Variants in SPAG1 observed in about 807,000 individuals in gnomAD.
SPAG1 encodes the protein sperm associated antigen 1.
A neutral mutation model predicts 100.5 loss-of-function variants in SPAG1; 69 were observed. The ratio of observed to expected loss-of-function variants is 0.69; its 90% CI spans 0.57 to 0.84. The LOEUF (loss-of-function observed/expected upper bound fraction) is 0.84, where lower values mean the gene tolerates loss of function less well. Ranked by LOEUF, SPAG1 falls within the 40% of genes least tolerant of loss-of-function variation. SPAG1 has a pLI of 0.00. For missense variants in SPAG1, 955 were observed against 1,133.1 expected, an observed-to-expected ratio of 0.84 and a Z score of 2.26; for synonymous variants, 336 against 411.6, an observed-to-expected ratio of 0.82 and a Z score of 2.22.
rs1819256862 is a variant in SPAG1, at chr8:100,241,163, T to A, written c.*141T>A. The A allele has an allele frequency of 1.5e-6, 1 of 652,590 alleles. No individual in the cohort carries two copies. The highest frequency in any genetic ancestry group is 2.5e-6 in the Non-Finnish European group (1 of 407,938). 40.4% of individuals were successfully genotyped at this position (652,590 alleles called of 1,614,324 possible). ...CTATAAAACATTTTACTTATTTTCC[T>A]ACATAGAACATGTATATTCTACAAT... On this transcript the variant is annotated 3_prime_UTR_variant, in exon 19 of 19. Coordinates refer to ENST00000388798, the MANE Select transcript of SPAG1 (RefSeq NM_003114.5). The surrounding 1 kb of genome is among the most constrained non-coding windows in gnomAD (Gnocchi z 5.1).
chr8:100,213,645 C>T (rs1448293440), intron 11 of SPAG1, among the ~76,000 whole-genome samples, 174 bp from the exon 12 acceptor site: 1 of 152,222 alleles, frequency 6.6e-6, no homozygotes, highest in Non-Finnish European at 1.5e-5. Flanking sequence ...TGCCTCCGTC[C>T]CCGCCGGGTT....
chr8:100,227,173 G>T (rs1010371448), intron 14 of SPAG1, among the ~76,000 whole-genome samples: 4 of 152,260 alleles, frequency 2.6e-5, no homozygotes, highest in Admixed American at 6.5e-5. Context: ...GTTGAGTGAT[G>T]CATGGCTGTG....
intron 1 of SPAG1, among the ~76,000 whole-genome samples, chr8:100,161,353 A>T (rs1051025106): frequency 7.9e-5 from 12 of 152,056 alleles, no homozygotes; most frequent in African/African-American, 2.9e-4. Flanking sequence ...AACAAAAACA[A>T]ACAAAACACT....
chr8:100,184,956 C>T (rs1030713853), intron 7 of SPAG1, among the ~76,000 whole-genome samples: 8 of 152,186 alleles, frequency 5.3e-5, no homozygotes, highest in Admixed American at 2.6e-4. Flanking sequence ...ACTTAACTTC[C>T]TATCTTGCAG....
At chr8:100,214,994 T>C (rs1408419715) in intron 12 of SPAG1, among the ~76,000 whole-genome samples, 1 of 350 alleles carries the variant, frequency 2.9e-3, no homozygotes, top group Non-Finnish European at 6.3e-3. Context: ...TACTCATATA[T>C]ATATATATAT....
At chr8:100,236,774 G>A (rs1819024881) in intron 16 of SPAG1, among the ~76,000 whole-genome samples, 1 of 152,136 alleles carries the variant, frequency 6.6e-6, no homozygotes, top group African/African-American at 2.4e-5. Context: ...GGTGTTAGGA[G>A]TATAGAGGTG....
chr8:100,189,075 T>C (rs575309444), intron 8 of SPAG1, among the ~76,000 whole-genome samples: 20 of 152,012 alleles, frequency 1.3e-4, no homozygotes, highest in African/African-American at 4.8e-4. Context: ...TTCATGTCTG[T>C]AATCCCAGCA....
intron 3 of SPAG1, among the ~76,000 whole-genome samples, chr8:100,174,321 T>A (rs1434048987): frequency 2.6e-5 from 4 of 152,176 alleles, no homozygotes; most frequent in Admixed American, 2.6e-4. Flanking sequence ...GAATATATAT[T>A]TACAATGTAT....
At chr8:100,231,980 TG>T (rs1818792542) in intron 15 of SPAG1, among the ~76,000 whole-genome samples, 1 of 141,362 alleles carries the variant, frequency 7.1e-6, no homozygotes, top group Non-Finnish European at 1.5e-5. Flanking sequence ...AAAAAAATAC[TG>T]TCTTAGGGAG....
At chr8:100,235,799 C>A (rs1489247150) in intron 16 of SPAG1, among the ~76,000 whole-genome samples, 1 of 152,086 alleles carries the variant, frequency 6.6e-6, no homozygotes, top group East Asian at 1.9e-4. Context: ...GCTGAGGGAG[C>A]CACACAGTGT....
chr8:100,228,468 T>C (rs967236393), intron 14 of SPAG1, among the ~76,000 whole-genome samples: 4 of 150,792 alleles, frequency 2.7e-5, no homozygotes, highest in African/African-American at 9.7e-5. Flanking sequence ...ATCCCAGCAC[T>C]TTTGGAGGCT....
rs769364232 is a variant in SPAG1, at chr8:100,165,831, A to G, written c.158A>G (p.Tyr53Cys). The change falls in exon 3 of 19, where the codon TAT becomes TGT. Residue 53 changes from tyrosine to cysteine, a missense_variant. By Grantham distance (194) the Tyr-to-Cys change is radical (BLOSUM62 -2). Transcript: ENST00000388798. Reference protein sequence around the residue: ...LCVLRSGEEGYYPELTEFCEK... With the variant: ...LCVLRSGEEGCYPELTEFCEK... ...TTTTTAAGATCTGGTGAGGAAGGAT[A>G]TTATCCTGAACTTACAGAATTTTGT... 8 of 1,613,142 alleles carry G rather than the reference A, an allele frequency of 5.0e-6. No homozygotes were observed. The highest frequency in any genetic ancestry group is 8.5e-7 in the Non-Finnish European group (1 of 1,179,638).
rs550519404 is a variant in SPAG1, at chr8:100,228,032, C to T, written c.1855+2693C>T. Among the ~76,000 whole-genome samples the T allele has an allele frequency of 9.2e-5, 14 of 151,780 alleles. No homozygotes were observed. In the South Asian group the frequency reaches 2.9e-3, roughly 32 times the overall value. ...GCTAATTTTGTATTTTTTATAGAGA[C>T]AGGATCTCATTATGTTGCCCAGGCT... On this transcript the variant is annotated intron_variant, in intron 14 of 18. Coordinates refer to ENST00000388798, the MANE Select transcript of SPAG1 (RefSeq NM_003114.5).
chr8:100,213,675 G>C, intron 11 of SPAG1, 144 bp from the exon 12 acceptor site: 1 of 582,830 alleles, frequency 1.7e-6, no homozygotes, highest in Non-Finnish European at 2.9e-6. Context: ...TGGCTGTTGC[G>C]GGTAGCAGCT....
chr8:100,192,962 C>T (rs1013332403), intron 9 of SPAG1, among the ~76,000 whole-genome samples: 3 of 151,978 alleles, frequency 2.0e-5, no homozygotes. Flanking sequence ...CAAAGATTAA[C>T]TCAAAATGGA....
intron 4 of SPAG1, among the ~76,000 whole-genome samples, chr8:100,178,334 A>C (rs1816220813): frequency 6.6e-6 from 1 of 151,974 alleles, no homozygotes; most frequent in African/African-American, 2.4e-5. Context: ...TACATAATTT[A>C]ATTATGGATT....
intron 12 of SPAG1, among the ~76,000 whole-genome samples, chr8:100,214,485 A>G (rs1440573): frequency 0.63 from 95,149 of 151,888 alleles, 30,160 homozygotes; most frequent in African/African-American, 0.72. Context: ...TACCTTCTTG[A>G]GTGCCCTAGA....
chr8:100,165,243 T>C, intron 2 of SPAG1: 7 of 522,382 alleles, frequency 1.3e-5, no homozygotes, highest in South Asian at 1.0e-4. Context: ...ATCACGACTC[T>C]AGGAATAATT....
At chr8:100,194,389 A>T in intron 10 of SPAG1, 121 bp downstream of exon 10, 1 of 1,377,724 alleles carries the variant, frequency 7.3e-7, no homozygotes, top group Non-Finnish European at 1.0e-6. Context: ...TTGCCTTGTA[A>T]ATTCACAAGC....
Sources: allele counts gnomAD v4.1 joint callset (sites outside exome capture counted in the v4.1 genomes callset), GRCh38; gene constraint gnomAD v4.1.1; non-coding constraint Gnocchi (gnomAD v3.1); transcripts MANE v1.5; gene names NCBI Gene and HGNC (gene_info 2026-07-23, HGNC 2026-07-21).